Variants in MSRA observed in about 807,000 individuals in gnomAD.
The protein encoded by MSRA is mitochondrial peptide methionine sulfoxide reductase.
MSRA carries 54 observed loss-of-function variants against 31.3 expected under a neutral mutation model. That is an observed-to-expected ratio of 1.73 (90% CI 1.39 to 2.17). The LOEUF (loss-of-function observed/expected upper bound fraction) is 2.17. MSRA is among the 30% of genes most tolerant of loss of function. The pLI is 0.00. For missense variants in MSRA, 507 were observed against 300.9 expected, an observed-to-expected ratio of 1.69 and a Z score of -5.07; for synonymous variants, 169 against 116.5, an observed-to-expected ratio of 1.45 and a Z score of -2.90.
intron 1 of MSRA, among the ~76,000 whole-genome samples, chr8:10,119,370 C>T (rs1169597157): frequency 6.6e-6 from 1 of 152,198 alleles, no homozygotes; most frequent in South Asian, 2.1e-4. Flanking sequence ...CTTGGAGTCA[C>T]ATTCCTTAGC....
At chr8:10,284,084 T>C (rs1426280110) in intron 3 of MSRA, among the ~76,000 whole-genome samples, 1 of 152,028 alleles carries the variant, frequency 6.6e-6, no homozygotes, top group Non-Finnish European at 1.5e-5. Flanking sequence ...CACACTGTTT[T>C]CCATAGTGGT....
At chr8:10,312,947 T>C (rs1585436519) in intron 4 of MSRA, among the ~76,000 whole-genome samples, 2 of 152,226 alleles carry the variant, frequency 1.3e-5, no homozygotes, top group African/African-American at 4.8e-5. Flanking sequence ...TAATGATGCA[T>C]TGAGAAACTA....
At chr8:10,294,878 G>T (rs1443746507) in intron 3 of MSRA, among the ~76,000 whole-genome samples, 2 of 152,100 alleles carry the variant, frequency 1.3e-5, no homozygotes, top group Admixed American at 1.3e-4. Context: ...AGGGGTGGGG[G>T]CGGGGGCTTT....
At chr8:10,425,539 G>A (rs950705540) in intron 5 of MSRA, among the ~76,000 whole-genome samples, 11 of 152,254 alleles carry the variant, frequency 7.2e-5, no homozygotes, top group Non-Finnish European at 1.5e-4. Context: ...GACCGCAGCT[G>A]TGCCTGGGAG....
At chr8:10,209,336 G>C (rs1809280165) in intron 2 of MSRA, among the ~76,000 whole-genome samples, 2 of 152,164 alleles carry the variant, frequency 1.3e-5, no homozygotes, top group Non-Finnish European at 2.9e-5. Flanking sequence ...GAGAAACTAA[G>C]TCTTATGTCA....
At chr8:10,260,463 G>A (rs1168714730) in intron 3 of MSRA, among the ~76,000 whole-genome samples, 6 of 152,304 alleles carry the variant, frequency 3.9e-5, no homozygotes, top group African/African-American at 2.4e-5. Context: ...AGCGGCACAC[G>A]TACACAAGCG....
chr8:10,378,638 C>A (rs1368100112), intron 5 of MSRA, among the ~76,000 whole-genome samples: 1 of 152,192 alleles, frequency 6.6e-6, no homozygotes, highest in African/African-American at 2.4e-5. Flanking sequence ...AGCTCCGCGT[C>A]CCTTCTTCAC....
At chr8:10,313,412 G>T (rs1801542666) in intron 4 of MSRA, among the ~76,000 whole-genome samples, 1 of 151,826 alleles carries the variant, frequency 6.6e-6, no homozygotes, top group East Asian at 1.9e-4. Flanking sequence ...GGAATTTCAG[G>T]GTTTACTTAT....
rs988926058 is a variant in MSRA, at chr8:10,094,915, GTTAT to G, written c.142+40260_142+40263del. On this transcript the variant is annotated intron_variant, in intron 1 of 5. Coordinates refer to ENST00000317173, the MANE Select transcript of MSRA (RefSeq NM_012331.5). ...TAGATGTTTTATTTTCCTTTTTATTGTTATTTGTTTTATCAAAAGAACTCTTCTC... is the reference window on the plus strand; with the variant it reads ...TAGATGTTTTATTTTCCTTTTTATTGTTGTTTTATCAAAAGAACTCTTCTC... 1.7e-4 allele frequency among the ~76,000 whole-genome samples: 26 copies of G among 152,162 alleles called. 1 individual carries two copies. The highest frequency in any genetic ancestry group is 4.8e-4 in the African/African-American group (20 of 41,536).
At chr8:10,350,785 C>A (rs921363982) in intron 5 of MSRA, among the ~76,000 whole-genome samples, 3 of 152,300 alleles carry the variant, frequency 2.0e-5, no homozygotes. Context: ...ACCCCCGAGG[C>A]CTCGCGCCTC....
chr8:10,222,106 G>A (rs1810566464), intron 2 of MSRA, among the ~76,000 whole-genome samples: 1 of 151,846 alleles, frequency 6.6e-6, no homozygotes, highest in Non-Finnish European at 1.5e-5. Context: ...GCCACCGTGA[G>A]TGCTCTGTTG....
intron 1 of MSRA, among the ~76,000 whole-genome samples, chr8:10,085,736 C>G (rs973887024): frequency 6.6e-5 from 10 of 152,210 alleles, no homozygotes; most frequent in African/African-American, 2.4e-4. Flanking sequence ...TGTCTCCTGC[C>G]TCTTTGCAGT....
At chr8:10,241,400 T>C (rs906167429) in intron 2 of MSRA, among the ~76,000 whole-genome samples, 5 of 152,140 alleles carry the variant, frequency 3.3e-5, no homozygotes, top group Admixed American at 3.3e-4. Flanking sequence ...AGAGCAGTCA[T>C]TGAAACGATC....
intron 5 of MSRA, among the ~76,000 whole-genome samples, chr8:10,401,307 C>T (rs1230994803): frequency 6.6e-6 from 1 of 152,158 alleles, no homozygotes; most frequent in Non-Finnish European, 1.5e-5. Context: ...GTGAAAGGAT[C>T]CTCAGAATCA....
intron 1 of MSRA, among the ~76,000 whole-genome samples, chr8:10,057,834 C>A (rs1554533181): frequency 6.6e-6 from 1 of 152,244 alleles, no homozygotes; most frequent in Non-Finnish European, 1.5e-5. Flanking sequence ...GGCTGTGAAA[C>A]TGTGAGCTAA....
chr8:10,184,875 G>C (rs181437658), intron 1 of MSRA, among the ~76,000 whole-genome samples: 3 of 152,296 alleles, frequency 2.0e-5, no homozygotes, highest in Admixed American at 2.0e-4. Context: ...CTGAAAAATA[G>C]CCTGATTTTA....
intron 3 of MSRA, chr8:10,250,530 C>G: frequency 1.4e-6 from 1 of 696,940 alleles, no homozygotes; most frequent in Non-Finnish European, 2.6e-6. Context: ...ACAACTTTTC[C>G]TCGTAAGATT....
chr8:10,335,506 C>A (rs1802984982), intron 5 of MSRA, among the ~76,000 whole-genome samples: 2 of 152,140 alleles, frequency 1.3e-5, no homozygotes, highest in Admixed American at 1.3e-4. Flanking sequence ...ATTGGAATTA[C>A]CATCTGGCCT....
intron 3 of MSRA, chr8:10,250,379 G>T (rs1183610351): frequency 1.4e-6 from 1 of 699,950 alleles, no homozygotes; most frequent in Non-Finnish European, 2.6e-6. Flanking sequence ...GAAAACCCAG[G>T]ATGTTCATTC....
Sources: allele counts gnomAD v4.1 joint callset (sites outside exome capture counted in the v4.1 genomes callset), GRCh38; gene constraint gnomAD v4.1.1; transcripts MANE v1.5; gene names NCBI Gene and HGNC (gene_info 2026-07-23, HGNC 2026-07-21).